The following TMEM161B variants were observed in gnomAD, a reference collection of about 807,000 sequenced individuals.
TMEM161B encodes the protein transmembrane protein 161B.
In TMEM161B, 34 loss-of-function variants were observed where a neutral mutation model predicts 61.8. That is an observed-to-expected ratio of 0.55 (90% CI 0.42 to 0.73). TMEM161B has a LOEUF of 0.73. Ranked by LOEUF, TMEM161B falls within the 30% of genes least tolerant of loss-of-function variation. TMEM161B has a pLI of 0.00. For synonymous variants in TMEM161B, 167 were observed against 192.8 expected (o/e 0.87, Z 1.11); for missense variants, 456 against 558.5 (o/e 0.82, Z 1.85).
intron 8 of TMEM161B, among the ~76,000 whole-genome samples, chr5:88,204,805 G>T (rs933127460): frequency 1.3e-5 from 2 of 150,874 alleles, no homozygotes; most frequent in Non-Finnish European, 2.9e-5. Flanking sequence ...GCGATAGTAA[G>T]TAAACACATG....
chr5:88,258,580 A>G (rs1255389338), intron 1 of TMEM161B, among the ~76,000 whole-genome samples: 2 of 152,296 alleles, frequency 1.3e-5, no homozygotes, highest in East Asian at 3.9e-4. Flanking sequence ...ACTTAAATAC[A>G]TATCCCCATA....
At chr5:88,203,151 C>T (rs1744747640) in intron 8 of TMEM161B, 76 bp from the exon 9 acceptor site, 3 of 868,488 alleles carry the variant, frequency 3.5e-6, no homozygotes, top group African/African-American at 1.7e-5. Context: ...TGGGGTCTTA[C>T]TAAAATGGAG....
chr5:88,252,352 G>A (rs1754446883), intron 1 of TMEM161B, among the ~76,000 whole-genome samples: 1 of 152,164 alleles, frequency 6.6e-6, no homozygotes, highest in Non-Finnish European at 1.5e-5. Flanking sequence ...TAGCTGAAAT[G>A]TTTAATAGAA....
intron 5 of TMEM161B, among the ~76,000 whole-genome samples, chr5:88,219,054 A>C (rs908636191): frequency 6.6e-6 from 1 of 152,194 alleles, no homozygotes; most frequent in African/African-American, 2.4e-5. Context: ...TCAGGTGGGA[A>C]GGTCAACCAA....
At chr5:88,252,075 C>T (rs192932288) in intron 1 of TMEM161B, among the ~76,000 whole-genome samples, 1 of 152,076 alleles carries the variant, frequency 6.6e-6, no homozygotes, top group Non-Finnish European at 1.5e-5. Flanking sequence ...CAAAATTGCA[C>T]GGTACTATGA....
At chr5:88,198,102 C>T in intron 10 of TMEM161B, 1 of 163,564 alleles carries the variant, frequency 6.1e-6, no homozygotes, top group South Asian at 2.0e-4. Context: ...GGGCATCTAC[C>T]TAAAATATCC....
At chr5:88,188,698 G>C (rs373155324), downstream of TMEM161B, among the ~76,000 whole-genome samples, 15 of 152,234 alleles carry the variant, frequency 9.9e-5, no homozygotes, top group South Asian at 3.1e-3. Flanking sequence ...AGCTGGGAGC[G>C]TCAGCAGACT....
intron 1 of TMEM161B, among the ~76,000 whole-genome samples, chr5:88,266,506 G>C (rs779887096): frequency 7.2e-5 from 11 of 152,272 alleles, no homozygotes; most frequent in Admixed American, 1.3e-4. Flanking sequence ...ATAAATTTAA[G>C]AAGGTGCTTT....
chr5:88,218,439 G>C (rs1748313481), intron 5 of TMEM161B, among the ~76,000 whole-genome samples: 1 of 152,086 alleles, frequency 6.6e-6, no homozygotes, highest in South Asian at 2.1e-4. Flanking sequence ...CACACTAGGT[G>C]GCTAGGTAAA....
At chr5:88,237,933 G>A (rs1041896041) in intron 2 of TMEM161B, among the ~76,000 whole-genome samples, 11 of 151,916 alleles carry the variant, frequency 7.2e-5, no homozygotes, top group African/African-American at 2.2e-4. Context: ...TCATTAAGTC[G>A]ACATACAATT....
At position 88,229,294 on chromosome 5, in the gene TMEM161B, T is replaced by C. The variant is rs190090789; in HGVS notation, c.108-766A>G. 8.6e-4 allele frequency among the ~76,000 whole-genome samples: 131 copies of C among 152,274 alleles called. 1 individual carries two copies. The Middle Eastern group carries it at 0.014, about 16-fold the overall frequency. On this transcript the variant is annotated intron_variant, in intron 2 of 11. Coordinates refer to ENST00000296595, the MANE Select transcript of TMEM161B (RefSeq NM_153354.5). Reference sequence around the variant, plus strand: ...TTATTTTCAATGTGCCCTCTCCACATGCTATTATTAATTCTGTTTCTCAAC... The same window carrying C: ...TTATTTTCAATGTGCCCTCTCCACACGCTATTATTAATTCTGTTTCTCAAC...
intron 3 of TMEM161B, among the ~76,000 whole-genome samples, chr5:88,227,393 G>A (rs1032881493): frequency 6.6e-5 from 10 of 152,086 alleles, no homozygotes; most frequent in Non-Finnish European, 8.8e-5. Flanking sequence ...TAAATTATTA[G>A]CTAACACGGT....
At chr5:88,222,986 C>T (rs1321036466) in intron 4 of TMEM161B, among the ~76,000 whole-genome samples, 1 of 151,848 alleles carries the variant, frequency 6.6e-6, no homozygotes, top group African/African-American at 2.4e-5. Flanking sequence ...TGAACATCTC[C>T]CTGCTATTCT....
intron 5 of TMEM161B, 89 bp from the exon 6 acceptor site, chr5:88,207,269 TG>T: frequency 8.1e-7 from 1 of 1,234,662 alleles, no homozygotes. Context: ...CAATAAAATT[TG>T]ACTACAACAT....
chr5:88,255,513 A>T (rs892646922), intron 1 of TMEM161B, among the ~76,000 whole-genome samples: 8 of 152,198 alleles, frequency 5.3e-5, no homozygotes, highest in African/African-American at 1.2e-4. Flanking sequence ...ATCCTATGAA[A>T]TTGCTAATAC....
At chr5:88,191,337 T>C (rs1748826802), downstream of TMEM161B, among the ~76,000 whole-genome samples, 1 of 152,198 alleles carries the variant, frequency 6.6e-6, no homozygotes, top group Non-Finnish European at 1.5e-5. Context: ...CCAGATATCC[T>C]ATATTAGACT....
intron 5 of TMEM161B, among the ~76,000 whole-genome samples, chr5:88,212,519 A>G (rs1231649152): frequency 2.0e-5 from 3 of 152,314 alleles, no homozygotes; most frequent in Non-Finnish European, 4.4e-5. Context: ...TAATTAAATA[A>G]CATACACTTA....
chr5:88,208,355 G>T (rs1439132987), intron 5 of TMEM161B, among the ~76,000 whole-genome samples: 7 of 152,210 alleles, frequency 4.6e-5, no homozygotes, highest in Admixed American at 4.6e-4. Context: ...GGGGGCGGGC[G>T]CCTGTAGTCA....
chr5:88,201,007 G>A (rs1430111973), intron 9 of TMEM161B: 3 of 151,866 alleles, frequency 2.0e-5, no homozygotes, highest in Non-Finnish European at 1.5e-5. Flanking sequence ...CCTCTTTGAT[G>A]GGCAGCCATT....
Sources: allele counts gnomAD v4.1 joint callset (sites outside exome capture counted in the v4.1 genomes callset), GRCh38; gene constraint gnomAD v4.1.1; transcripts MANE v1.5; gene names NCBI Gene and HGNC (gene_info 2026-07-23, HGNC 2026-07-21).